GNB4: variants seen among roughly 807,000 people sequenced by gnomAD.
The protein encoded by GNB4 is guanine nucleotide-binding protein subunit beta-4.
GNB4 carries 28 observed loss-of-function variants against 45.2 expected under a neutral mutation model. The ratio of observed to expected loss-of-function variants is 0.62; its 90% CI spans 0.46 to 0.85. The LOEUF (loss-of-function observed/expected upper bound fraction) is 0.85. Ranked by LOEUF, GNB4 falls within the 40% of genes least tolerant of loss-of-function variation. The probability of loss-of-function intolerance (pLI) is 0.00; values close to 1 mark genes in which losing one functional copy is unlikely to be tolerated. For missense variants in GNB4, 321 were observed against 425.4 expected (o/e 0.75, Z 2.16); for synonymous variants, 132 against 143.7 (o/e 0.92, Z 0.58).
upstream of GNB4, among the ~76,000 whole-genome samples, chr3:179,455,812 T>C (rs976438342): frequency 1.3e-4 from 20 of 152,160 alleles, no homozygotes; most frequent in African/African-American, 4.8e-4. Context: ...GCTCAGATAG[T>C]TTGACTCTTA....
At chr3:179,414,658 A>G (rs562316162) in intron 6 of GNB4, among the ~76,000 whole-genome samples, 8 of 152,218 alleles carry the variant, frequency 5.3e-5, no homozygotes, top group Non-Finnish European at 8.8e-5. Flanking sequence ...TGTGCAGTAA[A>G]TTTATCATTT....
the GNB4 span, among the ~76,000 whole-genome samples, chr3:179,497,001 T>A: frequency 6.6e-6 from 1 of 152,118 alleles, no homozygotes; most frequent in East Asian, 1.9e-4. Context: ...AAGACATGAT[T>A]TTTATTATTT....
At chr3:179,430,904 A>C (rs1231833662) in intron 1 of GNB4, among the ~76,000 whole-genome samples, 1 of 152,190 alleles carries the variant, frequency 6.6e-6, no homozygotes, top group African/African-American at 2.4e-5. Flanking sequence ...TATTCATCAT[A>C]GCTTCACAAA....
chr3:179,477,090 T>A, the GNB4 span, among the ~76,000 whole-genome samples: 3 of 152,170 alleles, frequency 2.0e-5, no homozygotes, highest in Non-Finnish European at 4.4e-5. Context: ...CTTAAAGATA[T>A]CTGAAGTGCC....
the GNB4 span, among the ~76,000 whole-genome samples, chr3:179,518,567 G>A: frequency 2.0e-5 from 3 of 151,752 alleles, no homozygotes; most frequent in East Asian, 1.9e-4. Context: ...GCCTCCACTC[G>A]CCCACCCTAT....
chr3:179,524,057 A>C, the GNB4 span, among the ~76,000 whole-genome samples: 1 of 152,194 alleles, frequency 6.6e-6, no homozygotes, highest in African/African-American at 2.4e-5. Flanking sequence ...CATGCCCTTG[A>C]AAAGAAAGTA....
At chr3:179,407,332 GCCTGTAGT>G (rs1037646165) in intron 8 of GNB4, among the ~76,000 whole-genome samples, 1 of 152,150 alleles carries the variant, frequency 6.6e-6, no homozygotes, top group African/African-American at 2.4e-5. Flanking sequence ...GTTGGCGGGT[GCCTGTAGT>G]CCCAGCTACC....
At chr3:179,456,737 C>T in the GNB4 span, among the ~76,000 whole-genome samples, 1 of 152,212 alleles carries the variant, frequency 6.6e-6, no homozygotes, top group African/African-American at 2.4e-5. Context: ...CTCTTCCCTA[C>T]CATGACTCTT....
At chr3:179,512,461 TA>T in the GNB4 span, among the ~76,000 whole-genome samples, 2 of 152,004 alleles carry the variant, frequency 1.3e-5, no homozygotes, top group Non-Finnish European at 2.9e-5. Context: ...CTACTGCCAT[TA>T]AAAAAAAGTC....
At chr3:179,428,051 G>C (rs3806682) in intron 1 of GNB4, among the ~76,000 whole-genome samples, 107,643 of 152,104 alleles carry the variant, frequency 0.71, 38,499 homozygotes, top group African/African-American at 0.79. Flanking sequence ...TGATGTCTAT[G>C]CTACAATCGC....
chr3:179,453,940 G>T (rs1209262238), upstream of GNB4, among the ~76,000 whole-genome samples: 1 of 151,974 alleles, frequency 6.6e-6, no homozygotes, highest in Non-Finnish European at 1.5e-5. Context: ...CATCAGGAAT[G>T]ATTTCATAAG....
the GNB4 span, among the ~76,000 whole-genome samples, chr3:179,474,322 C>A: frequency 3.3e-5 from 5 of 152,154 alleles, no homozygotes; most frequent in African/African-American, 1.2e-4. Context: ...CTCCCGGGTT[C>A]AAGCGATTCT....
At chr3:179,413,154 G>A (rs1016447153) in intron 8 of GNB4, among the ~76,000 whole-genome samples, 1 of 151,800 alleles carries the variant, frequency 6.6e-6, no homozygotes, top group Non-Finnish European at 1.5e-5. Context: ...CTCCAGCCTG[G>A]ACGACAGAGC....
intron 1 of GNB4, among the ~76,000 whole-genome samples, chr3:179,431,481 C>G (rs779713851): frequency 2.6e-5 from 4 of 151,268 alleles, no homozygotes; most frequent in Non-Finnish European, 2.9e-5. Flanking sequence ...ATCGCTTGAA[C>G]CCAGGATGCA....
chr3:179,488,983 C>T, the GNB4 span, among the ~76,000 whole-genome samples: 1 of 21,710 alleles, frequency 4.6e-5, no homozygotes, highest in Admixed American at 8.4e-4. Context: ...GATCCTGTAT[C>T]CAAAAAAAAA....
the GNB4 span, among the ~76,000 whole-genome samples, chr3:179,514,613 GC>G: frequency 6.6e-6 from 1 of 152,164 alleles, no homozygotes; most frequent in Admixed American, 6.5e-5. Flanking sequence ...TAAGAGTGGT[GC>G]CCTAATCTAA....
chr3:179,433,210 T>G (rs1047878933), intron 1 of GNB4, among the ~76,000 whole-genome samples: 3 of 151,936 alleles, frequency 2.0e-5, no homozygotes, highest in East Asian at 1.9e-4. Flanking sequence ...AACACAGATC[T>G]GATAAATGAA....
At chr3:179,501,625 C>G in the GNB4 span, among the ~76,000 whole-genome samples, 1 of 152,020 alleles carries the variant, frequency 6.6e-6, no homozygotes, top group Non-Finnish European at 1.5e-5. Context: ...ATGTCTGGTC[C>G]CAATTGCCTA....
chr3:179,481,254 A>G, the GNB4 span, among the ~76,000 whole-genome samples: 1 of 152,214 alleles, frequency 6.6e-6, no homozygotes, highest in Non-Finnish European at 1.5e-5. Context: ...AAAGTATCTT[A>G]TCTTCCTCCT....
Sources: allele counts gnomAD v4.1 joint callset (sites outside exome capture counted in the v4.1 genomes callset), GRCh38; gene constraint gnomAD v4.1.1; transcripts MANE v1.5; gene names NCBI Gene and HGNC (gene_info 2026-07-23, HGNC 2026-07-21).